The following SCYL3 variants were observed in gnomAD, a reference collection of about 807,000 sequenced individuals.
SCYL3 encodes the protein protein-associating with the carboxyl-terminal domain of ezrin.
In SCYL3, 35 loss-of-function variants were observed where a neutral mutation model predicts 73.8. The observed-to-expected ratio is 0.47, with a 90% CI of 0.36 to 0.63. SCYL3 has a LOEUF of 0.63. Ranked by LOEUF, SCYL3 falls within the 20% of genes least tolerant of loss-of-function variation. The probability of loss-of-function intolerance (pLI) is 0.00; values close to 1 mark genes in which losing one functional copy is unlikely to be tolerated. For synonymous variants in SCYL3, 277 were observed against 295.2 expected, an observed-to-expected ratio of 0.94 and a Z score of 0.63; for missense variants, 712 against 798.9, an observed-to-expected ratio of 0.89 and a Z score of 1.31.
At position 169,851,978 on chromosome 1, in the gene SCYL3, A is replaced by G. The variant is rs1344610625; in HGVS notation, c.*1735T>C. On this transcript the variant is annotated 3_prime_UTR_variant, in exon 13 of 13. Transcript: ENST00000367771. ...ATAGGGGCCAAACTTTAACAAGGCA[A>G]ATTCTGCCCTTTTTACTTACTGACG... is the stretch of plus-strand genomic sequence containing the variant. 1 of 1,613,638 alleles carries G rather than the reference A, an allele frequency of 6.2e-7. No homozygotes were observed. The highest frequency in any genetic ancestry group is 1.3e-5 in the African/African-American group (1 of 75,018).
chr1:169,859,268 C>T, intron 10 of SCYL3, 56 bp from the exon 11 acceptor site: 3 of 1,512,988 alleles, frequency 2.0e-6, no homozygotes, highest in Non-Finnish European at 2.7e-6. Flanking sequence ...CTCTTTCTTC[C>T]CCTGTAAATG....
In SCYL3 at chr1:169,862,674, TGA is replaced by T. The variant is rs777312062; in HGVS notation, c.1077_1078del (p.Ile361ArgfsTer26). 1 of 1,614,114 alleles carries T rather than the reference TGA, an allele frequency of 6.2e-7. No homozygotes were observed. The highest frequency in any genetic ancestry group is 8.5e-7 in the Non-Finnish European group (1 of 1,180,026). ...GAAGTGCTCCACGTAGGCCTCGATG[TGA>T]GACAGCAGCACCATCCGCACATGCT... is the stretch of plus-strand genomic sequence containing the variant. On this transcript the variant is annotated frameshift_variant, in exon 10 of 13. Coordinates refer to ENST00000367771, the MANE Select transcript of SCYL3 (RefSeq NM_020423.7). LOFTEE classifies it high-confidence loss of function.
chr1:169,852,651 G>C lies in SCYL3; in HGVS notation c.*1062C>G, dbSNP rs1658537787. 1.3e-6 allele frequency: 1 copy of C among 798,520 alleles called. No individual in the cohort carries two copies. The highest frequency in any genetic ancestry group is 2.0e-6 in the Non-Finnish European group (1 of 503,972). 49.5% of individuals were successfully genotyped at this position (798,520 alleles called of 1,614,324 possible). On this transcript the variant is annotated 3_prime_UTR_variant, in exon 13 of 13. Coordinates refer to ENST00000367771, the MANE Select transcript of SCYL3 (RefSeq NM_020423.7). The stretch of plus-strand genomic sequence containing the variant: ...ACATATTTTTCTAGATGACTGTGTA[G>C]GGGTTTTGGGGTGCATCCTCCTACC...
In SCYL3 at chr1:169,854,753, G is replaced by A. The variant is rs1303536760; in HGVS notation, c.1524C>T (p.Thr508=). ...PCDDVKSQCT[T]LDVEESSWDD... ...CCCAAGATGACTCTTCCACATCCAA[G>A]GTAGTGCACTGGGACTTGACATCAT... The change falls in exon 12 of 13, where the codon ACC becomes ACT. Residue 508 remains threonine, a synonymous_variant. Coordinates refer to ENST00000367771, the MANE Select transcript of SCYL3 (RefSeq NM_020423.7). 1 of 1,614,024 alleles carries A rather than the reference G, an allele frequency of 6.2e-7. No homozygotes were observed. Among genetic ancestry groups the A allele is most frequent in the East Asian group, 2.2e-5 (1 of 44,876 alleles).
chr1:169,868,887 G>A (rs778605984), intron 7 of SCYL3, 41 bp downstream of exon 7: 3 of 1,447,898 alleles, frequency 2.1e-6, no homozygotes, highest in Non-Finnish European at 2.9e-6. Context: ...AGGCAGCAGT[G>A]TTCCGGAAGC....
At chr1:169,866,327 TA>T (rs2102160646) in intron 8 of SCYL3, among the ~76,000 whole-genome samples, 1 of 152,360 alleles carries the variant, frequency 6.6e-6, no homozygotes, top group South Asian at 2.1e-4. Context: ...ATCCAAATCT[TA>T]AATGAGTTAA....
intron 12 of SCYL3, 34 bp from the exon 13 acceptor site, chr1:169,853,806 G>GAAAC (rs1558110709): frequency 1.3e-6 from 2 of 1,595,160 alleles, no homozygotes; most frequent in South Asian, 1.1e-5. Context: ...AGAACCCACT[G>GAAAC]AAACAAATCA....
chr1:169,849,752 C>T lies in SCYL3; in HGVS notation c.*3961G>A. On this transcript the variant is annotated 3_prime_UTR_variant, in exon 13 of 13. Transcript: ENST00000367771. ...GGTACATTACTCGTTATCTCTTTTA[C>T]AGCTTCTCAAAATGAGGCTTAGATA... is the stretch of plus-strand genomic sequence containing the variant. 1.6e-6 allele frequency: 1 copy of T among 626,738 alleles called. No individual in the cohort carries two copies. The highest frequency in any genetic ancestry group is 2.8e-6 in the Non-Finnish European group (1 of 362,068). 38.8% of individuals were successfully genotyped at this position (626,738 alleles called of 1,614,324 possible).
At chr1:169,860,964 T>C (rs556951024) in intron 10 of SCYL3, among the ~76,000 whole-genome samples, 2 of 152,192 alleles carry the variant, frequency 1.3e-5, no homozygotes, top group East Asian at 3.9e-4. Context: ...TAATGAGAGG[T>C]TTCATTGTCT....
At chr1:169,865,075 T>A (rs4508080) in intron 8 of SCYL3, among the ~76,000 whole-genome samples, 1 of 151,730 alleles carries the variant, frequency 6.6e-6, no homozygotes, top group Non-Finnish European at 1.5e-5. Context: ...TTACTAATAG[T>A]CAAAGTGCCC....
intron 2 of SCYL3, among the ~76,000 whole-genome samples, chr1:169,881,307 A>C (rs77359420): frequency 0.019 from 2,846 of 152,332 alleles, 93 homozygotes; most frequent in African/African-American, 0.064. Flanking sequence ...AAATTAAAAA[A>C]ATTGATAATA....
In SCYL3 at chr1:169,869,036, G is replaced by T; in HGVS notation, c.629C>A (p.Ser210Ter). 6.2e-7 allele frequency: 1 copy of T among 1,612,544 alleles called. No homozygotes were observed. Among genetic ancestry groups the T allele is most frequent in the South Asian group, 1.1e-5 (1 of 91,036 alleles). Residue 210 changes from serine to a stop codon, truncating the protein, a stop_gained, in exon 7 of 13, where the codon TCA becomes TAA. Coordinates refer to ENST00000367771, the MANE Select transcript of SCYL3 (RefSeq NM_020423.7). LOFTEE classifies it high-confidence loss of function. ...SLLTILNEQV[S>*]ADVLSSFQQT... Reference sequence around the variant, plus strand: ...TTGAAAGCTGGAGAGAACATCCGCTGAAACTGAAATCCAGAGCTACAGTTA... The same window carrying T: ...TTGAAAGCTGGAGAGAACATCCGCTTAAACTGAAATCCAGAGCTACAGTTA...
rs371743694 is a variant in SCYL3, at chr1:169,868,982, G to T, written c.683C>A (p.Pro228His). 78 of 1,614,026 alleles carry T rather than the reference G, an allele frequency of 4.8e-5. No individual in the cohort carries two copies. Among genetic ancestry groups the T allele is most frequent in the Admixed American group, 1.2e-4 (7 of 60,004 alleles). Reference sequence around the variant, plus strand: ...GAGCGCTGGCCGACATTTTGGAATGGGATTCAGCAAAGTTGAGTGCAAGGT... The same window carrying T: ...GAGCGCTGGCCGACATTTTGGAATGTGATTCAGCAAAGTTGAGTGCAAGGT... The part of the protein sequence containing the change: ...QQTLHSTLLN[P>H]IPKCRPALCT... Residue 228 changes from proline (P) to histidine (H), a missense_variant, in exon 7 of 13, where the codon CCC (proline) becomes CAC (histidine). By Grantham distance (77) the Pro-to-His change is moderately conservative. Transcript: ENST00000367771.
intron 10 of SCYL3, chr1:169,860,183 G>A (rs1228810662): frequency 6.6e-6 from 1 of 152,222 alleles, no homozygotes; most frequent in Admixed American, 6.5e-5. Flanking sequence ...ACAGAAGAAA[G>A]GAATGAAAAA....
rs1657888978 is a variant in SCYL3, at chr1:169,849,916, T to A, written c.*3797A>T. 6.5e-6 allele frequency: 3 copies of A among 462,182 alleles called. No homozygotes were observed. Among genetic ancestry groups the A allele is most frequent in the African/African-American group, 1.9e-5 (1 of 51,306 alleles). The allele number at this position is 462,182 out of a possible 1,614,324, so 28.6% of individuals were successfully genotyped here. The stretch of plus-strand genomic sequence containing the variant: ...TGGGTCAAATGATAATACATTTCAT[T>A]TTGTGCTATCAGTCATAAGGGTTAG... On this transcript the variant is annotated 3_prime_UTR_variant, in exon 13 of 13. Transcript: ENST00000367771.
Position 169,853,331 on chromosome 1 carries a change from G to C in SCYL3, c.*382C>G. On this transcript the variant is annotated 3_prime_UTR_variant, in exon 13 of 13. Coordinates refer to ENST00000367771, the MANE Select transcript of SCYL3 (RefSeq NM_020423.7). The stretch of plus-strand genomic sequence containing the variant: ...TTTTTTAAAGTTGTATTTCATAATA[G>C]AGCTTACTCTTATGTTAAAGAATGG... 1 of 328,038 alleles carries C rather than the reference G, an allele frequency of 3.0e-6. No homozygotes were observed. The highest frequency in any genetic ancestry group is 5.5e-6 in the Non-Finnish European group (1 of 180,898). 20.3% of individuals were successfully genotyped at this position (328,038 alleles called of 1,614,324 possible). A position where few individuals can be genotyped will look rare whatever the true frequency, so the allele number is the denominator to read the frequency against.
intron 7 of SCYL3, among the ~76,000 whole-genome samples, chr1:169,868,267 T>C (rs979236261): frequency 6.6e-6 from 1 of 152,176 alleles, no homozygotes; most frequent in Non-Finnish European, 1.5e-5. Flanking sequence ...ACACATAGGA[T>C]TTTTAGTTTT....
intron 2 of SCYL3, among the ~76,000 whole-genome samples, chr1:169,882,236 G>A (rs1661327033): frequency 1.3e-5 from 2 of 152,232 alleles, no homozygotes; most frequent in Admixed American, 6.5e-5. Flanking sequence ...CCGGGGCAAT[G>A]AGGTGCTTAG....
chr1:169,893,153 A>G (rs1662201628), intron 1 of SCYL3, among the ~76,000 whole-genome samples: 1 of 152,122 alleles, frequency 6.6e-6, no homozygotes, highest in South Asian at 2.1e-4. Flanking sequence ...GTTAACAGTG[A>G]CCCCCAAAAT....
Sources: gnomAD v4.1 joint callset for allele counts (sites outside exome capture counted in the v4.1 genomes callset) on GRCh38, gnomAD v4.1.1 for gene constraint, MANE v1.5 for transcripts, NCBI Gene and HGNC (gene_info 2026-07-23, HGNC 2026-07-21) for gene names.